Variants in PHKB observed in about 807,000 individuals in gnomAD.
PHKB encodes phosphorylase b kinase regulatory subunit beta.
Under a neutral mutation model 152.1 loss-of-function variants are expected in PHKB, and 122 were observed. The observed-to-expected ratio is 0.80, with a 90% confidence interval of 0.69 to 0.93. The LOEUF (loss-of-function observed/expected upper bound fraction) is 0.93, where lower values mean the gene tolerates loss of function less well. Ranked by LOEUF, PHKB falls within the 40% of genes least tolerant of loss-of-function variation. The pLI, the probability that PHKB is intolerant of heterozygous loss-of-function variation, is 0.00. For synonymous variants in PHKB, 436 were observed against 464.9 expected (o/e 0.94, Z 0.80); for missense variants, 1,304 against 1,328.4 (o/e 0.98, Z 0.29).
In PHKB at chr16:47,575,260, A is replaced by T. The variant is rs778438888; in HGVS notation, c.711-5035A>T. Among the ~76,000 whole-genome samples the T allele has an allele frequency of 3.3e-4, 51 of 152,354 alleles. 2 individuals carry two copies. Among genetic ancestry groups the T allele is most frequent in the East Asian group, 2.3e-3 (12 of 5,190 alleles). ...CTGATACATTGTTGGTGGGAATGTA[A>T]ATTAACACAACCTCTATGGAAAACA... is the stretch of plus-strand genomic sequence containing the variant. On this transcript the variant is annotated intron_variant, in intron 7 of 30. Transcript: ENST00000323584.
chr16:47,627,827 C>T (rs1005883936), intron 14 of PHKB, among the ~76,000 whole-genome samples: 1 of 152,202 alleles, frequency 6.6e-6, no homozygotes, highest in Non-Finnish European at 1.5e-5. Context: ...CAGTGTGTCT[C>T]AGTCAGGACA....
chr16:47,530,575 C>T (rs1970845475), intron 6 of PHKB, among the ~76,000 whole-genome samples: 1 of 152,118 alleles, frequency 6.6e-6, no homozygotes, highest in South Asian at 2.1e-4. Context: ...AAATGAATTT[C>T]TAGTAAATTG....
intron 1 of PHKB, among the ~76,000 whole-genome samples, chr16:47,494,818 CT>C (rs1156686218): frequency 3.4e-4 from 52 of 152,262 alleles, no homozygotes; most frequent in African/African-American, 9.9e-4. Flanking sequence ...GGCATTGATG[CT>C]TTCCAGATGT....
chr16:47,468,840 G>A (rs1474045659), intron 1 of PHKB, among the ~76,000 whole-genome samples: 1 of 152,038 alleles, frequency 6.6e-6, no homozygotes, highest in East Asian at 1.9e-4. Context: ...CTGTAGTATA[G>A]CTTTTTAGGC....
At chr16:47,624,282 A>G (rs16945443) in intron 14 of PHKB, among the ~76,000 whole-genome samples, 17,729 of 152,188 alleles carry the variant, frequency 0.12, 2,253 homozygotes, top group African/African-American at 0.32. Flanking sequence ...TCTGGACACT[A>G]ATTATGGCTC....
chr16:47,552,800 AACACACACACACACACAC>A, intron 7 of PHKB, among the ~76,000 whole-genome samples: 1 of 143,590 alleles, frequency 7.0e-6, no homozygotes. Flanking sequence ...CCCCATCTCA[AACACACACACACACACAC>A]ACACACACAC....
At chr16:47,513,133 C>T (rs1403044653) in intron 5 of PHKB, among the ~76,000 whole-genome samples, 2 of 152,204 alleles carry the variant, frequency 1.3e-5, no homozygotes, top group Non-Finnish European at 2.9e-5. Context: ...AGATTCAGCT[C>T]AGTGCTTGGC....
At chr16:47,697,214 A>T (rs1474644396) in intron 29 of PHKB, among the ~76,000 whole-genome samples, 1 of 152,180 alleles carries the variant, frequency 6.6e-6, no homozygotes, top group African/African-American at 2.4e-5. Flanking sequence ...AATATGTCTT[A>T]TTGCTACGGA....
chr16:47,489,683 G>T (rs1032276740), intron 1 of PHKB, among the ~76,000 whole-genome samples: 1 of 152,158 alleles, frequency 6.6e-6, no homozygotes, highest in Non-Finnish European at 1.5e-5. Flanking sequence ...ACTGACCATG[G>T]GTTAGGAGCA....
intron 14 of PHKB, among the ~76,000 whole-genome samples, chr16:47,625,503 T>C (rs1972694058): frequency 6.6e-6 from 1 of 152,094 alleles, no homozygotes; most frequent in African/African-American, 2.4e-5. Context: ...CTCCTCTTAG[T>C]TTCTCCAGCA....
At chr16:47,593,122 G>GGA (rs1013175169) in intron 10 of PHKB, among the ~76,000 whole-genome samples, 1 of 146,524 alleles carries the variant, frequency 6.8e-6, no homozygotes, top group Admixed American at 6.9e-5. Flanking sequence ...GGGGGGGGAG[G>GGA]GAGAGAGAGA....
intron 1 of PHKB, among the ~76,000 whole-genome samples, chr16:47,491,794 T>G (rs1970154993): frequency 6.6e-6 from 1 of 152,198 alleles, no homozygotes. Flanking sequence ...CCACTTCCAG[T>G]TCCTGGGGTT....
intron 14 of PHKB, among the ~76,000 whole-genome samples, chr16:47,634,286 T>G (rs758574684): frequency 3.3e-5 from 5 of 152,218 alleles, no homozygotes; most frequent in Non-Finnish European, 7.3e-5. Context: ...CCCTCTTTTG[T>G]TTGATCCTCT....
At chr16:47,571,206 A>G (rs1195910751) in intron 7 of PHKB, among the ~76,000 whole-genome samples, 1 of 152,014 alleles carries the variant, frequency 6.6e-6, no homozygotes, top group African/African-American at 2.4e-5. Context: ...AGTAGTGTGT[A>G]CTACTCTCCT....
At chr16:47,534,604 A>G (rs1219802596) in intron 6 of PHKB, among the ~76,000 whole-genome samples, 2 of 152,228 alleles carry the variant, frequency 1.3e-5, no homozygotes, top group South Asian at 4.1e-4. Flanking sequence ...AAATTAGTAC[A>G]TAAAATTATG....
intron 8 of PHKB, among the ~76,000 whole-genome samples, chr16:47,584,457 T>G (rs1971902430): frequency 6.6e-6 from 1 of 152,212 alleles, no homozygotes; most frequent in Admixed American, 6.5e-5. Context: ...ATGTTCAAAT[T>G]TATCTTTCTC....
At chr16:47,682,095 C>T (rs1973869456) in intron 26 of PHKB, among the ~76,000 whole-genome samples, 1 of 152,192 alleles carries the variant, frequency 6.6e-6, no homozygotes, top group Non-Finnish European at 1.5e-5. Context: ...TATTGGCCCC[C>T]ACTCTCTTTT....
At chr16:47,504,743 T>A (rs1156437207) in intron 4 of PHKB, among the ~76,000 whole-genome samples, 1 of 152,346 alleles carries the variant, frequency 6.6e-6, no homozygotes, top group South Asian at 2.1e-4. Context: ...AAGAAATAAC[T>A]CATGTGAGTG....
At chr16:47,560,937 T>C (rs1181457230) in intron 7 of PHKB, among the ~76,000 whole-genome samples, 3 of 152,124 alleles carry the variant, frequency 2.0e-5, no homozygotes, top group East Asian at 3.8e-4. Flanking sequence ...GTATATATGG[T>C]ATAAGGAAAA....
Sources: allele counts gnomAD v4.1 joint callset (sites outside exome capture counted in the v4.1 genomes callset), GRCh38; gene constraint gnomAD v4.1.1; transcripts MANE v1.5; gene names NCBI Gene and HGNC (gene_info 2026-07-23, HGNC 2026-07-21).